The following RIMS1 variants were observed in gnomAD, a reference collection of about 807,000 sequenced individuals.
RIMS1 encodes the protein regulating synaptic membrane exocytosis 1.
Under a neutral mutation model 214.1 loss-of-function variants are expected in RIMS1, and 83 were observed. The observed-to-expected ratio is 0.39, with a 90% CI of 0.32 to 0.47. The LOEUF is 0.47. Among genes scored for constraint, RIMS1 ranks in the 20% least tolerant of loss-of-function variants. The pLI, the probability that RIMS1 is intolerant of heterozygous loss-of-function variation, is 0.99. For missense variants in RIMS1, 2,050 were observed against 2,161.8 expected, an observed-to-expected ratio of 0.95 and a Z score of 1.03; for synonymous variants, 793 against 786.8, an observed-to-expected ratio of 1.01 and a Z score of -0.13.
intron 29 of RIMS1, among the ~76,000 whole-genome samples, chr6:72,375,879 C>G (rs2098361261): frequency 6.6e-6 from 1 of 152,092 alleles, no homozygotes; most frequent in Non-Finnish European, 1.5e-5. Context: ...CAATAAAATT[C>G]CAAATTTCCC....
chr6:72,170,075 C>T (rs140405926), intron 4 of RIMS1, among the ~76,000 whole-genome samples: 17 of 152,298 alleles, frequency 1.1e-4, no homozygotes, highest in Admixed American at 6.5e-4. Context: ...ATCACTTACT[C>T]GGCTCCACCT....
chr6:72,350,071 A>T (rs1374579274), intron 29 of RIMS1, among the ~76,000 whole-genome samples: 4 of 152,100 alleles, frequency 2.6e-5, no homozygotes, highest in African/African-American at 9.7e-5. Flanking sequence ...AATGCTTAAT[A>T]ATTCTGTCTT....
intron 2 of RIMS1, among the ~76,000 whole-genome samples, chr6:72,043,691 C>T (rs555835683): frequency 5.8e-5 from 8 of 137,048 alleles, no homozygotes; most frequent in Admixed American, 2.1e-4. Flanking sequence ...AGACTTTTTT[C>T]CCCCTTTTCT....
At chr6:72,183,524 A>T (rs967035437) in intron 6 of RIMS1, among the ~76,000 whole-genome samples, 9 of 13,602 alleles carry the variant, frequency 6.6e-4, no homozygotes, top group Non-Finnish European at 1.1e-3. Flanking sequence ...AGTAGACATT[A>T]AAAAAAAACC....
chr6:72,332,329 A>G (rs956803020), intron 28 of RIMS1, among the ~76,000 whole-genome samples: 2 of 151,810 alleles, frequency 1.3e-5, no homozygotes, highest in Non-Finnish European at 2.9e-5. Flanking sequence ...CCAGGTTTTT[A>G]TTAGACAGAA....
At chr6:72,168,724 T>C (rs2046616741) in intron 4 of RIMS1, among the ~76,000 whole-genome samples, 1 of 47,242 alleles carries the variant, frequency 2.1e-5, no homozygotes, top group East Asian at 3.1e-4. Context: ...TTTCAGGGTT[T>C]TTTTTTTTTT....
intron 29 of RIMS1, among the ~76,000 whole-genome samples, chr6:72,347,355 G>T (rs541326769): frequency 1.4e-5 from 2 of 146,116 alleles, no homozygotes; most frequent in Non-Finnish European, 3.1e-5. Context: ...TGGAATGAAA[G>T]AAACTTTTGG....
chr6:72,165,226 C>A (rs536705353), intron 4 of RIMS1, among the ~76,000 whole-genome samples: 17 of 152,194 alleles, frequency 1.1e-4, no homozygotes, highest in Admixed American at 5.2e-4. Flanking sequence ...ATCTTATATT[C>A]TGTTTTGTCT....
At chr6:72,169,756 A>C (rs2046769355) in intron 4 of RIMS1, among the ~76,000 whole-genome samples, 1 of 152,084 alleles carries the variant, frequency 6.6e-6, no homozygotes, top group Admixed American at 6.5e-5. Flanking sequence ...AAACACAAAA[A>C]AACAAAAATT....
chr6:72,061,009 T>A (rs1226472118), intron 2 of RIMS1, among the ~76,000 whole-genome samples: 2 of 152,220 alleles, frequency 1.3e-5, no homozygotes, highest in Admixed American at 6.5e-5. Context: ...ATATTGATAT[T>A]TGCGTTTCAA....
intron 29 of RIMS1, among the ~76,000 whole-genome samples, chr6:72,368,239 C>G (rs1005148487): frequency 6.6e-6 from 1 of 151,072 alleles, no homozygotes; most frequent in African/African-American, 2.4e-5. Context: ...CTTTTTTCCC[C>G]CTTATGTTAT....
intron 27 of RIMS1, 53 bp downstream of exon 27, chr6:72,307,423 G>T (rs1592811112): frequency 2.6e-6 from 3 of 1,168,850 alleles, no homozygotes; most frequent in East Asian, 5.1e-5. Context: ...TGTGTAGTGT[G>T]TGTACCAGGC....
chr6:72,236,353 G>C (rs758905989), intron 8 of RIMS1, among the ~76,000 whole-genome samples: 1 of 152,096 alleles, frequency 6.6e-6, no homozygotes, highest in Non-Finnish European at 1.5e-5. Flanking sequence ...AGGCTATTAA[G>C]CTTTGCACAA....
At chr6:71,913,438 A>C (rs1304890443) in intron 1 of RIMS1, among the ~76,000 whole-genome samples, 2 of 152,102 alleles carry the variant, frequency 1.3e-5, no homozygotes, top group African/African-American at 4.8e-5. Flanking sequence ...ATCTTTTTAT[A>C]AGTTTTGCAA....
At chr6:72,273,608 C>T (rs2084593874) in intron 22 of RIMS1, among the ~76,000 whole-genome samples, 3 of 152,200 alleles carry the variant, frequency 2.0e-5, no homozygotes, top group South Asian at 4.1e-4. Flanking sequence ...AGCTAAAAAG[C>T]ATCCATTTAA....
At chr6:71,966,695 AT>A (rs559240687) in intron 1 of RIMS1, among the ~76,000 whole-genome samples, 1 of 151,860 alleles carries the variant, frequency 6.6e-6, no homozygotes, top group Non-Finnish European at 1.5e-5. Flanking sequence ...TAAATTTTGT[AT>A]TTTTTTAGTA....
intron 29 of RIMS1, among the ~76,000 whole-genome samples, chr6:72,344,855 G>A (rs537684718): frequency 6.6e-6 from 1 of 151,724 alleles, no homozygotes; most frequent in Non-Finnish European, 1.5e-5. Context: ...TAAATTTTAC[G>A]TTTGGCTAAG....
At chr6:72,381,737 A>C (rs557880970) in intron 29 of RIMS1, among the ~76,000 whole-genome samples, 1 of 152,354 alleles carries the variant, frequency 6.6e-6, no homozygotes, top group African/African-American at 2.4e-5. Context: ...ATTTAAGTAG[A>C]TCTGACAGGC....
intron 2 of RIMS1, among the ~76,000 whole-genome samples, chr6:71,990,442 T>A (rs548345194): frequency 6.6e-6 from 1 of 152,310 alleles, no homozygotes; most frequent in African/African-American, 2.4e-5. Flanking sequence ...GAATTAAAGA[T>A]AATTAAATAA....
Sources: gnomAD v4.1 joint callset for allele counts (sites outside exome capture counted in the v4.1 genomes callset) on GRCh38, gnomAD v4.1.1 for gene constraint, MANE v1.5 for transcripts, NCBI Gene and HGNC (gene_info 2026-07-23, HGNC 2026-07-21) for gene names.